Variants in CTBP2 observed in about 807,000 individuals in gnomAD.
CTBP2 encodes the protein C-terminal binding protein 2.
Under a neutral mutation model 80.3 loss-of-function variants are expected in CTBP2, and 30 were observed. The ratio of observed to expected loss-of-function variants is 0.37; its 90% CI spans 0.28 to 0.51. The LOEUF is 0.51. Among genes scored for constraint, CTBP2 ranks in the 20% least tolerant of loss-of-function variants. The pLI, the probability that CTBP2 is intolerant of heterozygous loss-of-function variation, is 0.93. For missense variants in CTBP2, 1,212 were observed against 1,375.3 expected, an observed-to-expected ratio of 0.88 and a Z score of 1.88; for synonymous variants, 594 against 587.4, an observed-to-expected ratio of 1.01 and a Z score of -0.16.
intron 1 of CTBP2, among the ~76,000 whole-genome samples, chr10:125,007,222 A>G (rs1565074353): frequency 6.6e-6 from 1 of 152,206 alleles, no homozygotes; most frequent in Non-Finnish European, 1.5e-5. Context: ...AACTGTGTAG[A>G]GCAGAAAGCC....
chr10:125,088,737 T>C (rs576311585), intron 2 of CTBP2, among the ~76,000 whole-genome samples: 4 of 152,232 alleles, frequency 2.6e-5, no homozygotes, highest in African/African-American at 4.8e-5. Flanking sequence ...TTGAGTTTTG[T>C]TAACGGGCAT....
chr10:125,023,514 C>T (rs1167132398), intron 1 of CTBP2, among the ~76,000 whole-genome samples: 1 of 152,200 alleles, frequency 6.6e-6, no homozygotes, highest in Admixed American at 6.5e-5. Context: ...GCGACTTGTG[C>T]CATAGCCGGC....
intron 4 of CTBP2, chr10:124,996,530 G>C (rs746511581): frequency 6.5e-6 from 1 of 152,772 alleles, no homozygotes; most frequent in Admixed American, 6.5e-5. Flanking sequence ...CAGGGCGGCG[G>C]CAGGGGGCTG....
At position 125,047,318 on chromosome 10, in the gene CTBP2, G is replaced by A. The variant is rs181460298; in HGVS notation, c.-101-8163C>T. Among the ~76,000 whole-genome samples the A allele has an allele frequency of 1.1e-3, 170 of 152,298 alleles. 1 individual carries two copies. The highest frequency in any genetic ancestry group is 4.0e-3 in the African/African-American group (166 of 41,558). On this transcript the variant is annotated intron_variant, in intron 2 of 10. Coordinates refer to the CTBP2 transcript ENST00000337195. Reference sequence around the variant, plus strand: ...GGCATGAAAATTTTGATCTGTAGCCGAGAAGACTGGTTGAACAGATAAAAA... The same window carrying A: ...GGCATGAAAATTTTGATCTGTAGCCAAGAAGACTGGTTGAACAGATAAAAA...
intron 1 of CTBP2, among the ~76,000 whole-genome samples, chr10:125,124,475 A>G (rs1854887778): frequency 6.6e-6 from 1 of 152,164 alleles, no homozygotes; most frequent in African/African-American, 2.4e-5. Context: ...AAGTACCTCC[A>G]TCTCCCAAAA....
chr10:125,074,033 T>C (rs1237550542), intron 2 of CTBP2, among the ~76,000 whole-genome samples: 2 of 152,146 alleles, frequency 1.3e-5, no homozygotes, highest in East Asian at 1.9e-4. Flanking sequence ...CTCAGCACTG[T>C]TGGTATTTTA....
intron 2 of CTBP2, among the ~76,000 whole-genome samples, chr10:125,105,319 A>T (rs541462002): frequency 1.9e-4 from 29 of 152,266 alleles, no homozygotes; most frequent in East Asian, 7.7e-4. Flanking sequence ...CTGATTTTTT[A>T]AAAAAATTTT....
At chr10:125,109,017 G>C (rs1351780586) in intron 2 of CTBP2, among the ~76,000 whole-genome samples, 1 of 152,244 alleles carries the variant, frequency 6.6e-6, no homozygotes, top group Non-Finnish European at 1.5e-5. Flanking sequence ...GATGCATTTG[G>C]AGAATGTTAA....
intron 2 of CTBP2, among the ~76,000 whole-genome samples, chr10:125,052,111 C>T (rs535554515): frequency 6.6e-6 from 1 of 152,348 alleles, no homozygotes; most frequent in African/African-American, 2.4e-5. Flanking sequence ...GGGAGGCTCG[C>T]ACCTATCGGT....
chr10:125,126,635 C>G (rs1011059372), intron 1 of CTBP2, among the ~76,000 whole-genome samples: 1 of 152,300 alleles, frequency 6.6e-6, no homozygotes, highest in Non-Finnish European at 1.5e-5. Flanking sequence ...CAGATGTGCT[C>G]GCACCTCCCG....
intron 1 of CTBP2, among the ~76,000 whole-genome samples, chr10:125,134,661 C>CG (rs1262982279): frequency 6.6e-6 from 1 of 152,136 alleles, no homozygotes; most frequent in African/African-American, 2.4e-5. Context: ...GCCCCAGACA[C>CG]GCGGCGCGGG....
chr10:125,131,336 T>C (rs1360440606), intron 1 of CTBP2, among the ~76,000 whole-genome samples: 2 of 152,186 alleles, frequency 1.3e-5, no homozygotes, highest in Non-Finnish European at 2.9e-5. Flanking sequence ...TCTCCAACGT[T>C]TGAAAATCAG....
intron 1 of CTBP2, among the ~76,000 whole-genome samples, chr10:125,011,872 A>G (rs1427498292): frequency 6.6e-6 from 1 of 152,254 alleles, no homozygotes; most frequent in Non-Finnish European, 1.5e-5. Flanking sequence ...TTGGAAGCCC[A>G]GACACCGTCC....
intron 8 of CTBP2, 98 bp from the exon 11 acceptor site, chr10:124,989,796 C>T: frequency 8.3e-7 from 1 of 1,200,816 alleles, no homozygotes. Flanking sequence ...GACAGGAGCC[C>T]AGTGACATGA....
Position 125,067,292 on chromosome 10 carries a change from G to A in CTBP2, c.-101-28137C>T, listed in dbSNP as rs1844797032. ...TGTGAAACTGCCACCGCCATGTGGG[G>A]CCTAAGGAGAAAGACAGTGACATAC... On this transcript the variant is annotated intron_variant, in intron 2 of 10. Transcript: ENST00000337195. 3.3e-5 allele frequency among the ~76,000 whole-genome samples: 5 copies of A among 152,148 alleles called. No individual in the cohort carries two copies. The South Asian group carries it at 1.0e-3, about 32-fold the overall frequency.
chr10:124,991,902 G>GT lies in CTBP2; in HGVS notation c.2777+792_2777+793insA, dbSNP rs1300122656. Among the ~76,000 whole-genome samples, 8 of 145,202 alleles carry GT rather than the reference G, an allele frequency of 5.5e-5. No individual in the cohort carries two copies. In the South Asian group the frequency reaches 9.3e-4, roughly 17 times the overall value. ...GGGAAGCCAGCAATAATGGGGGGGG[G>GT]GGTGTGGGAGAAAACCGATTCGTGC... On this transcript the variant is annotated intron_variant, in intron 8 of 8. Transcript: ENST00000309035.
chr10:125,100,457 A>G (rs931828492), intron 2 of CTBP2: 6 of 152,254 alleles, frequency 3.9e-5, no homozygotes, highest in Non-Finnish European at 8.8e-5. Context: ...GAAAAGCAAG[A>G]CAAGGCTACA....
intron 2 of CTBP2, among the ~76,000 whole-genome samples, chr10:125,043,801 T>C (rs866591764): frequency 1.3e-5 from 2 of 152,244 alleles, no homozygotes; most frequent in African/African-American, 4.8e-5. Context: ...AAGGGATTTA[T>C]AGAGTAAGTG....
At chr10:125,011,191 C>G (rs1289869191) in intron 1 of CTBP2, among the ~76,000 whole-genome samples, 1 of 152,216 alleles carries the variant, frequency 6.6e-6, no homozygotes, top group Non-Finnish European at 1.5e-5. Context: ...CATGGGGAAC[C>G]TAGTTTTAAG....
Sources: gnomAD v4.1 joint callset for allele counts (sites outside exome capture counted in the v4.1 genomes callset) on GRCh38, gnomAD v4.1.1 for gene constraint, MANE v1.5 for transcripts, NCBI Gene and HGNC (gene_info 2026-07-23, HGNC 2026-07-21) for gene names.